Variants in NPAS3 observed in about 807,000 individuals in gnomAD.
NPAS3 encodes the protein neuronal PAS domain protein 3, also known as neuronal PAS domain-containing protein 3.
NPAS3 carries 14 observed loss-of-function variants against 73.1 expected under a neutral mutation model. The ratio of observed to expected loss-of-function variants is 0.19; its 90% CI spans 0.13 to 0.30. NPAS3 has a LOEUF of 0.30. NPAS3 is among the 10% of genes least tolerant of loss of function. The probability of loss-of-function intolerance (pLI) is 1.00; values close to 1 mark genes in which losing one functional copy is unlikely to be tolerated. For missense variants in NPAS3, 1,096 were observed against 1,250.0 expected (o/e 0.88, Z 1.86); for synonymous variants, 620 against 541.5 (o/e 1.14, Z -2.01).
chr14:33,094,675 A>G (rs1367941062), intron 2 of NPAS3, among the ~76,000 whole-genome samples: 1 of 152,128 alleles, frequency 6.6e-6, no homozygotes, highest in Non-Finnish European at 1.5e-5. Flanking sequence ...CTTTTTGGCC[A>G]GGCTGATCTC....
chr14:33,711,112 C>T (rs1266900419), intron 6 of NPAS3, among the ~76,000 whole-genome samples: 1 of 152,176 alleles, frequency 6.6e-6, no homozygotes, highest in Non-Finnish European at 1.5e-5. Context: ...GGATTTGTTG[C>T]TGTAATACAT....
At chr14:33,520,341 C>G (rs1297638907) in intron 4 of NPAS3, among the ~76,000 whole-genome samples, 1 of 152,066 alleles carries the variant, frequency 6.6e-6, no homozygotes, top group Non-Finnish European at 1.5e-5. Flanking sequence ...GTCTATTAAT[C>G]TCAGATGTTG....
At chr14:33,508,862 T>C (rs1002435724) in intron 4 of NPAS3, among the ~76,000 whole-genome samples, 2 of 152,058 alleles carry the variant, frequency 1.3e-5, no homozygotes, top group East Asian at 2.0e-4. Flanking sequence ...GACCAGACTT[T>C]GACATCACTC....
intron 2 of NPAS3, among the ~76,000 whole-genome samples, chr14:33,098,221 C>A (rs2042479561): frequency 6.6e-6 from 1 of 152,180 alleles, no homozygotes; most frequent in South Asian, 2.1e-4. Flanking sequence ...TTGGCATTAT[C>A]TTTTTCCCAC....
chr14:33,430,142 CTTG>C (rs1227409685), intron 4 of NPAS3, among the ~76,000 whole-genome samples: 8 of 152,120 alleles, frequency 5.3e-5, no homozygotes, highest in African/African-American at 1.9e-4. Flanking sequence ...ATAAAAGGTG[CTTG>C]TTGTTGCTCT....
intron 1 of NPAS3, among the ~76,000 whole-genome samples, chr14:33,013,040 CCAAA>C (rs1245499129): frequency 3.3e-5 from 5 of 152,220 alleles, no homozygotes; most frequent in African/African-American, 1.2e-4. Flanking sequence ...GAGAGCAAAT[CCAAA>C]CAGTCTTCTC....
chr14:33,797,305 A>T (rs1328989343), intron 10 of NPAS3, 152 bp from the exon 11 acceptor site: 6 of 828,388 alleles, frequency 7.2e-6, no homozygotes, highest in Non-Finnish European at 1.1e-5. Context: ...CTTCCATAAA[A>T]TCCCATGAAG....
intron 2 of NPAS3, among the ~76,000 whole-genome samples, chr14:33,172,135 T>A (rs894892275): frequency 6.6e-6 from 1 of 151,946 alleles, no homozygotes; most frequent in African/African-American, 2.4e-5. Context: ...GATATAATAA[T>A]AATGAAAAAG....
At chr14:32,937,439 T>C (rs1313195739), upstream of NPAS3, among the ~76,000 whole-genome samples, 1 of 152,120 alleles carries the variant, frequency 6.6e-6, no homozygotes, top group Admixed American at 6.5e-5. Context: ...CCCCCTAGAC[T>C]GGGTGTCCTG....
At chr14:33,383,822 T>A (rs2138489731) in intron 4 of NPAS3, among the ~76,000 whole-genome samples, 1 of 152,240 alleles carries the variant, frequency 6.6e-6, no homozygotes, top group South Asian at 2.1e-4. Flanking sequence ...CAGGAGTAGT[T>A]TTCATCTTTG....
intron 6 of NPAS3, among the ~76,000 whole-genome samples, chr14:33,728,470 T>G (rs1373178269): frequency 6.6e-6 from 1 of 152,052 alleles, no homozygotes; most frequent in African/African-American, 2.4e-5. Flanking sequence ...CTAAGGAGAT[T>G]TAAATATATC....
At chr14:33,703,506 T>G (rs1336710320) in intron 6 of NPAS3, among the ~76,000 whole-genome samples, 1 of 152,088 alleles carries the variant, frequency 6.6e-6, no homozygotes, top group Non-Finnish European at 1.5e-5. Context: ...AAATAAATCA[T>G]TGACTCATTC....
At chr14:33,119,434 C>T (rs763128382) in intron 2 of NPAS3, among the ~76,000 whole-genome samples, 3 of 152,026 alleles carry the variant, frequency 2.0e-5, no homozygotes, top group Non-Finnish European at 4.4e-5. Flanking sequence ...GATAGGAAAA[C>T]GGTGCTTGCT....
chr14:33,768,973 A>G (rs1054629138), intron 7 of NPAS3, among the ~76,000 whole-genome samples: 20 of 152,208 alleles, frequency 1.3e-4, no homozygotes, highest in Non-Finnish European at 2.8e-4. Flanking sequence ...CAAGCCTGGC[A>G]TTTATGTTAG....
At chr14:33,183,429 T>G (rs55948665) in intron 2 of NPAS3, among the ~76,000 whole-genome samples, 468 of 44,002 alleles carry the variant, frequency 0.011, 1 homozygote, top group Non-Finnish European at 0.016. Flanking sequence ...CTGTTTTTTT[T>G]TTTTTTTTTT....
intron 5 of NPAS3, among the ~76,000 whole-genome samples, chr14:33,604,405 T>A (rs573711594): frequency 2.0e-5 from 3 of 152,138 alleles, no homozygotes; most frequent in South Asian, 4.1e-4. Context: ...AGAATATAAC[T>A]ATGGATAAAG....
intron 3 of NPAS3, among the ~76,000 whole-genome samples, chr14:33,261,231 A>G (rs1201601011): frequency 6.6e-6 from 1 of 152,082 alleles, no homozygotes; most frequent in Non-Finnish European, 1.5e-5. Context: ...TCTCAGTAAA[A>G]TACTGTTTTA....
At chr14:33,520,167 A>T (rs1376312627) in intron 4 of NPAS3, among the ~76,000 whole-genome samples, 1 of 152,112 alleles carries the variant, frequency 6.6e-6, no homozygotes, top group East Asian at 1.9e-4. Context: ...TGAAGCTCTG[A>T]GCTACCACAG....
chr14:33,281,272 G>A (rs994052995), intron 3 of NPAS3, among the ~76,000 whole-genome samples: 4 of 152,188 alleles, frequency 2.6e-5, no homozygotes, highest in African/African-American at 9.7e-5. Flanking sequence ...ATGGCCTTAG[G>A]AAATTTATTG....
Sources: gnomAD v4.1 joint callset for allele counts (sites outside exome capture counted in the v4.1 genomes callset) on GRCh38, gnomAD v4.1.1 for gene constraint, MANE v1.5 for transcripts, NCBI Gene and HGNC (gene_info 2026-07-23, HGNC 2026-07-21) for gene names.